The following CCDC172 variants were observed in gnomAD, a reference collection of about 807,000 sequenced individuals.
CCDC172 encodes coiled-coil domain containing 172.
A neutral mutation model predicts 38.0 loss-of-function variants in CCDC172; 30 were observed. The observed-to-expected ratio is 0.79, with a 90% CI of 0.59 to 1.07. The LOEUF (loss-of-function observed/expected upper bound fraction) is 1.07. CCDC172 is among the 50% of genes least tolerant of loss of function. The pLI, the probability that CCDC172 is intolerant of heterozygous loss-of-function variation, is 0.00. For missense variants in CCDC172, 297 were observed against 290.1 expected, an observed-to-expected ratio of 1.02 and a Z score of -0.17; for synonymous variants, 78 against 88.3, an observed-to-expected ratio of 0.88 and a Z score of 0.66.
At position 116,334,380 on chromosome 10, in the gene CCDC172, C is replaced by A. The variant is rs193179305; in HGVS notation, c.166-6354C>A. 2.5e-3 allele frequency among the ~76,000 whole-genome samples: 386 copies of A among 152,162 alleles called. 2 individuals are homozygous for A. Among genetic ancestry groups the A allele is most frequent in the African/African-American group, 8.6e-3 (358 of 41,528 alleles). ...TAGTGTTTATTTATTGCAAATTATTCCAAAAATAGAAATTGGCAAAAAGCA... is the reference window on the plus strand; with the variant it reads ...TAGTGTTTATTTATTGCAAATTATTACAAAAATAGAAATTGGCAAAAAGCA... On this transcript the variant is annotated intron_variant, in intron 3 of 8. Transcript: ENST00000333254.
At chr10:116,376,654 C>T (rs546415684) in intron 7 of CCDC172, among the ~76,000 whole-genome samples, 67 of 152,126 alleles carry the variant, frequency 4.4e-4, no homozygotes, top group Admixed American at 5.9e-4. Flanking sequence ...CAATTGTTGG[C>T]TCTTTGTTTA....
chr10:116,344,088 T>C (rs1844835095), intron 5 of CCDC172, among the ~76,000 whole-genome samples: 1 of 152,160 alleles, frequency 6.6e-6, no homozygotes, highest in South Asian at 2.1e-4. Flanking sequence ...AAGGACAATA[T>C]AGAAATTAAA....
At chr10:116,345,561 A>G (rs1056012773) in intron 5 of CCDC172, among the ~76,000 whole-genome samples, 2 of 152,222 alleles carry the variant, frequency 1.3e-5, no homozygotes, top group Non-Finnish European at 2.9e-5. Context: ...TGCATTAAAT[A>G]TATCTTCCAA....
intron 3 of CCDC172, among the ~76,000 whole-genome samples, chr10:116,333,811 T>C (rs765866779): frequency 6.6e-6 from 1 of 152,114 alleles, no homozygotes; most frequent in Non-Finnish European, 1.5e-5. Context: ...TTAGGGGTTA[T>C]TTTGAAAAGA....
intron 3 of CCDC172, among the ~76,000 whole-genome samples, chr10:116,334,021 C>T (rs1035090916): frequency 1.3e-5 from 2 of 152,082 alleles, no homozygotes; most frequent in African/African-American, 4.8e-5. Context: ...GGCTGTATAC[C>T]TCAGTTTCCT....
chr10:116,364,870 G>A (rs1413303180), intron 7 of CCDC172, among the ~76,000 whole-genome samples: 1 of 152,136 alleles, frequency 6.6e-6, no homozygotes, highest in East Asian at 1.9e-4. Context: ...AAATGAGTAT[G>A]TTGTTAATTA....
At chr10:116,362,706 T>G (rs1259636954) in intron 7 of CCDC172, among the ~76,000 whole-genome samples, 2 of 152,200 alleles carry the variant, frequency 1.3e-5, no homozygotes, top group Non-Finnish European at 2.9e-5. Flanking sequence ...CTTACCTATA[T>G]TGTCTCCATC....
intron 7 of CCDC172, among the ~76,000 whole-genome samples, chr10:116,373,483 C>G (rs1845210821): frequency 6.6e-6 from 1 of 151,966 alleles, no homozygotes; most frequent in African/African-American, 2.4e-5. Context: ...AGTTTCTTAT[C>G]CTATAAGTGT....
intron 7 of CCDC172, among the ~76,000 whole-genome samples, chr10:116,372,587 A>G (rs1306156952): frequency 2.0e-5 from 3 of 152,104 alleles, no homozygotes; most frequent in African/African-American, 2.4e-5. Context: ...ACCATAGTGC[A>G]TTTGAGATTA....
chr10:116,327,419 A>C (rs568152007), intron 3 of CCDC172, among the ~76,000 whole-genome samples: 1 of 152,138 alleles, frequency 6.6e-6, no homozygotes, highest in African/African-American at 2.4e-5. Flanking sequence ...ATTGGTGAGG[A>C]TATTGACCTG....
rs897558732 is a variant in CCDC172, at chr10:116,357,326, G to A, written c.449-54G>A. 3 of 1,158,452 alleles carry A rather than the reference G, an allele frequency of 2.6e-6. No homozygotes were observed. In the African/African-American group the frequency reaches 4.9e-5, roughly 19 times the overall value. 71.8% of individuals were successfully genotyped at this position (1,158,452 alleles called of 1,614,324 possible). A position where few individuals can be genotyped will look rare whatever the true frequency, so the allele number is the denominator to read the frequency against. ...TAGTGTACAGGTCTTTTACTTCCGGGGTTAAATTTATTTCTAAGTATTTTA... is the reference window on the plus strand; with the variant it reads ...TAGTGTACAGGTCTTTTACTTCCGGAGTTAAATTTATTTCTAAGTATTTTA... On this transcript the variant is annotated intron_variant, in intron 5 of 8. Transcript: ENST00000333254.
intron 3 of CCDC172, among the ~76,000 whole-genome samples, chr10:116,338,534 T>C (rs1844757199): frequency 6.6e-6 from 1 of 152,164 alleles, no homozygotes; most frequent in African/African-American, 2.4e-5. Context: ...ATATGCCCTT[T>C]TTATAAATCT....
At chr10:116,341,719 T>A (rs1565714428) in intron 4 of CCDC172, among the ~76,000 whole-genome samples, 1 of 151,888 alleles carries the variant, frequency 6.6e-6, no homozygotes, top group Non-Finnish European at 1.5e-5. Context: ...TTTTATATTA[T>A]AATTATAAAA....
rs180977713 is a variant in CCDC172 at position 116,331,567 on chromosome 10, T to C, written c.165+6179T>C. ...AATAATAGTAGGTATTAAACAGACA[T>C]TTAGTGAGTGAATAAGTTAAAATTT... On this transcript the variant is annotated intron_variant, in intron 3 of 8. Transcript: ENST00000333254. Among the ~76,000 whole-genome samples, 897 of 152,214 alleles carry C rather than the reference T, an allele frequency of 5.9e-3. 10 individuals carry two copies. The highest frequency in any genetic ancestry group is 0.018 in the African/African-American group (760 of 41,566).
At chr10:116,332,322 T>G (rs1231295236) in intron 3 of CCDC172, among the ~76,000 whole-genome samples, 1 of 152,180 alleles carries the variant, frequency 6.6e-6, no homozygotes, top group African/African-American at 2.4e-5. Flanking sequence ...CCTTTCTACT[T>G]TTGCTTTTAC....
chr10:116,334,259 G>A (rs1040625912), intron 3 of CCDC172, among the ~76,000 whole-genome samples: 4 of 152,148 alleles, frequency 2.6e-5, no homozygotes, highest in African/African-American at 4.8e-5. Context: ...TTATTCCTGG[G>A]AAATTCTGAG....
chr10:116,375,195 G>A (rs1041161659), intron 7 of CCDC172, among the ~76,000 whole-genome samples: 6 of 152,024 alleles, frequency 3.9e-5, no homozygotes, highest in African/African-American at 2.4e-5. Flanking sequence ...GGCTTTCCTT[G>A]TTGGGTGCTT....
chr10:116,348,804 A>G (rs1288751325), intron 5 of CCDC172, among the ~76,000 whole-genome samples: 1 of 151,842 alleles, frequency 6.6e-6, no homozygotes, highest in Non-Finnish European at 1.5e-5. Context: ...CCTAGATTGT[A>G]CCCTGCTTCC....
Position 116,357,389 on chromosome 10 carries a change from C to T in CCDC172, c.458C>T (p.Ser153Leu). The stretch of plus-strand genomic sequence containing the variant: ...TTGTATCTGTTTCTAGAAATGAAGT[C>T]AATGGAACATGATAGTAGCCAGTTA... ...QANMLKSEMK[S>L]MEHDSSQLNE... Residue 153 changes from serine (S) to leucine (L), a missense_variant, in exon 6 of 9, where the codon TCA (serine) becomes TTA (leucine). Coordinates refer to ENST00000333254, the MANE Select transcript of CCDC172 (RefSeq NM_198515.3). The T allele has an allele frequency of 1.3e-6, 2 of 1,549,750 alleles. No homozygotes were observed. The highest frequency in any genetic ancestry group is 1.7e-6 in the Non-Finnish European group (2 of 1,151,768).
Sources: allele counts gnomAD v4.1 joint callset (sites outside exome capture counted in the v4.1 genomes callset), GRCh38; gene constraint gnomAD v4.1.1; transcripts MANE v1.5; gene names NCBI Gene and HGNC (gene_info 2026-07-23, HGNC 2026-07-21).